Variants in TRAK2 observed in about 807,000 individuals in gnomAD.
The protein encoded by TRAK2 is trafficking kinesin-binding protein 2.
A neutral mutation model predicts 104.6 loss-of-function variants in TRAK2; 81 were observed. That is an observed-to-expected ratio of 0.77 (90% CI 0.65 to 0.93). The LOEUF is 0.93. TRAK2 is among the 40% of genes least tolerant of loss of function. The probability of loss-of-function intolerance (pLI) is 0.00; values close to 1 mark genes in which losing one functional copy is unlikely to be tolerated. For synonymous variants in TRAK2, 406 were observed against 394.4 expected, an observed-to-expected ratio of 1.03 and a Z score of -0.35; for missense variants, 1,002 against 1,089.0, an observed-to-expected ratio of 0.92 and a Z score of 1.12.
chr2:201,385,428 G>A (rs1359843771), intron 14 of TRAK2, among the ~76,000 whole-genome samples: 1 of 151,394 alleles, frequency 6.6e-6, no homozygotes, highest in African/African-American at 2.4e-5. Context: ...TGCCCACCTC[G>A]ATCTCCCAAA....
At chr2:201,385,977 C>A (rs1376717490) in intron 14 of TRAK2, among the ~76,000 whole-genome samples, 1 of 152,100 alleles carries the variant, frequency 6.6e-6, no homozygotes, top group Non-Finnish European at 1.5e-5. Flanking sequence ...GTTTCTGAGC[C>A]CAAAAGGTTT....
chr2:201,392,033 C>A (rs550964961), intron 10 of TRAK2, among the ~76,000 whole-genome samples: 3 of 152,222 alleles, frequency 2.0e-5, no homozygotes, highest in South Asian at 4.2e-4. Flanking sequence ...GGACAGTGTC[C>A]TTAAGAGTGT....
chr2:201,413,223 G>C lies in TRAK2; in HGVS notation c.92-5626C>G, dbSNP rs1951663108. The C allele has an allele frequency of 3.5e-6, 5 of 1,442,200 alleles. No individual in the cohort carries two copies. In the African/African-American group the frequency reaches 4.2e-5, roughly 12 times the overall value. 89.3% of individuals were successfully genotyped at this position (1,442,200 alleles called of 1,614,324 possible). On this transcript the variant is annotated intron_variant, in intron 2 of 15. Coordinates refer to ENST00000332624, the MANE Select transcript of TRAK2 (RefSeq NM_015049.3). Reference sequence around the variant, plus strand: ...GTGCTGACCAACATCAAATTCTCTAGTGACAGGATTTCTCATTACAGCACT... The same window carrying C: ...GTGCTGACCAACATCAAATTCTCTACTGACAGGATTTCTCATTACAGCACT...
rs1427108088 is a variant in TRAK2, at chr2:201,402,652, A to T, written c.287-1558T>A. 5.3e-5 allele frequency among the ~76,000 whole-genome samples: 8 copies of T among 152,332 alleles called. No homozygotes were observed. The East Asian group carries it at 1.5e-3, about 29-fold the overall frequency. ...TAGCATAGCGGGAACAAAGGATTAA[A>T]TAATTAAGGCAAATACTTACAGTGA... On this transcript the variant is annotated intron_variant, in intron 3 of 15. Coordinates refer to ENST00000332624, the MANE Select transcript of TRAK2 (RefSeq NM_015049.3).
At chr2:201,407,819 G>A (rs1951608945) in intron 2 of TRAK2, among the ~76,000 whole-genome samples, 1 of 151,340 alleles carries the variant, frequency 6.6e-6, no homozygotes, top group African/African-American at 2.4e-5. Flanking sequence ...AAAAATGATG[G>A]CATACATTTT....
intron 7 of TRAK2, among the ~76,000 whole-genome samples, chr2:201,395,695 C>A (rs1044864994): frequency 2.0e-5 from 3 of 152,072 alleles, no homozygotes; most frequent in South Asian, 2.1e-4. Context: ...GGCAAGCAGG[C>A]TAAAGGTTTT....
chr2:201,417,628 A>T (rs1399272165), intron 2 of TRAK2, among the ~76,000 whole-genome samples: 2 of 152,212 alleles, frequency 1.3e-5, no homozygotes, highest in Admixed American at 1.3e-4. Flanking sequence ...CTTAATGGTC[A>T]AATACTGTAA....
chr2:201,406,248 T>C (rs899404197), intron 3 of TRAK2, among the ~76,000 whole-genome samples: 1 of 152,214 alleles, frequency 6.6e-6, no homozygotes, highest in Non-Finnish European at 1.5e-5. Context: ...TATACTTTTT[T>C]TGAGCAGTTA....
At chr2:201,440,623 T>C (rs1951913558) in intron 1 of TRAK2, among the ~76,000 whole-genome samples, 2 of 152,264 alleles carry the variant, frequency 1.3e-5, no homozygotes, top group Non-Finnish European at 2.9e-5. Flanking sequence ...GTGAGAATTT[T>C]ACTGTTAATT....
chr2:201,389,647 G>A, intron 11 of TRAK2, 144 bp from the exon 12 acceptor site: 1 of 1,089,514 alleles, frequency 9.2e-7, no homozygotes. Flanking sequence ...TTTCAAACAA[G>A]AGAACTCTCT....
At chr2:201,432,243 A>G (rs746579568) in intron 1 of TRAK2, among the ~76,000 whole-genome samples, 1 of 152,200 alleles carries the variant, frequency 6.6e-6, no homozygotes, top group African/African-American at 2.4e-5. Context: ...TCTTGGATGC[A>G]TGAATAAACC....
intron 1 of TRAK2, among the ~76,000 whole-genome samples, chr2:201,426,274 G>A (rs887277727): frequency 2.6e-5 from 4 of 152,164 alleles, no homozygotes; most frequent in Non-Finnish European, 5.9e-5. Context: ...TGAACTGCGC[G>A]TGCGAGGGAT....
At chr2:201,389,718 G>C (rs141682812) in intron 11 of TRAK2, 83 bp downstream of exon 11, 5 of 1,301,662 alleles carry the variant, frequency 3.8e-6, no homozygotes, top group South Asian at 2.6e-5. Flanking sequence ...ACTGAATCTC[G>C]TAATACTTGC....
At position 201,430,816 on chromosome 2, in the gene TRAK2, C is replaced by T. The variant is rs532998265; in HGVS notation, c.-199-10110G>A. On this transcript the variant is annotated intron_variant, in intron 1 of 15. Transcript: ENST00000332624. Reference sequence around the variant, plus strand: ...CCCTGCCCTGCTTTGGCTCACCCTCCGCGGGCTGCACCCACTGTCCAACAA... The same window carrying T: ...CCCTGCCCTGCTTTGGCTCACCCTCTGCGGGCTGCACCCACTGTCCAACAA... Among the ~76,000 whole-genome samples, 38 of 152,326 alleles carry T rather than the reference C, an allele frequency of 2.5e-4. 1 individual carries two copies. Among genetic ancestry groups the T allele is most frequent in the African/African-American group, 8.2e-4 (34 of 41,576 alleles).
intron 1 of TRAK2, among the ~76,000 whole-genome samples, chr2:201,424,292 G>C (rs1188081695): frequency 6.6e-6 from 1 of 152,138 alleles, no homozygotes; most frequent in Non-Finnish European, 1.5e-5. Context: ...CACCTGCTAT[G>C]TAAGTCTTTA....
intron 10 of TRAK2, among the ~76,000 whole-genome samples, chr2:201,390,168 A>G (rs1576507676): frequency 6.6e-6 from 1 of 152,192 alleles, no homozygotes; most frequent in Non-Finnish European, 1.5e-5. Context: ...CAGTGTTGAC[A>G]GTGATGCTGT....
intron 10 of TRAK2, among the ~76,000 whole-genome samples, chr2:201,390,480 C>T (rs1256015623): frequency 1.0e-4 from 15 of 146,902 alleles, no homozygotes; most frequent in Admixed American, 7.6e-4. Context: ...AGGAGAATGA[C>T]GTGAACCCGG....
In TRAK2 at chr2:201,381,083, GA is replaced by G. The variant is rs1310585874; in HGVS notation, c.2204del (p.Phe735SerfsTer5). The G allele has an allele frequency of 6.2e-7, 1 of 1,613,948 alleles. No homozygotes were observed. ...GTTTGGCCAAGCTCATGGTGCTACT[GA>G]AGGTTGTAGTGGAATCTCGTCGGTT... ...ITNRRDSTTTFSSTMSLAKLL... is the reference protein window; with the variant it reads ...ITNRRDSTTTXSSTMSLAKLL... On this transcript the variant is annotated frameshift_variant, in exon 16 of 16. Coordinates refer to ENST00000332624, the MANE Select transcript of TRAK2 (RefSeq NM_015049.3). LOFTEE classifies it high-confidence loss of function.
chr2:201,405,411 T>C (rs1265393188), intron 3 of TRAK2, among the ~76,000 whole-genome samples: 1 of 152,212 alleles, frequency 6.6e-6, no homozygotes, highest in Non-Finnish European at 1.5e-5. Context: ...TTTGCTTTGG[T>C]TGGCAATGCT....
Sources: gnomAD v4.1 joint callset for allele counts (sites outside exome capture counted in the v4.1 genomes callset) on GRCh38, gnomAD v4.1.1 for gene constraint, MANE v1.5 for transcripts, NCBI Gene and HGNC (gene_info 2026-07-23, HGNC 2026-07-21) for gene names.